Variants in IL1RAPL1 observed in about 807,000 individuals in gnomAD.
IL1RAPL1 encodes interleukin 1 receptor accessory protein like 1, also known as interleukin-1 receptor accessory protein-like 1.
In IL1RAPL1, 3 loss-of-function variants were observed where a neutral mutation model predicts 48.4. The ratio of observed to expected loss-of-function variants is 0.06; its 90% confidence interval spans 0.03 to 0.16. The LOEUF (loss-of-function observed/expected upper bound fraction) is 0.16. Among genes scored for constraint, IL1RAPL1 ranks in the 10% least tolerant of loss-of-function variants. The pLI is 1.00. For synonymous variants in IL1RAPL1, 185 were observed against 187.7 expected (o/e 0.99, Z 0.12); for missense variants, 349 against 530.6 (o/e 0.66, Z 3.36).
intron 2 of IL1RAPL1, among the ~76,000 whole-genome samples, chrX:29,139,335 AT>A (rs1340337128): frequency 5.1e-5 from 5 of 97,895 alleles, no homozygotes; most frequent in African/African-American, 2.1e-4. Flanking sequence ...AATGAGAAAA[AT>A]AATGGAAAAG....
intron 5 of IL1RAPL1, among the ~76,000 whole-genome samples, chrX:29,517,802 T>C (rs1935462401): frequency 8.9e-6 from 1 of 112,052 alleles, no homozygotes. Context: ...TAGTAATCAT[T>C]GGGCAGGTGG....
At chrX:29,548,412 G>A (rs1921698666) in intron 5 of IL1RAPL1, among the ~76,000 whole-genome samples, 1 of 111,973 alleles carries the variant, frequency 8.9e-6, no homozygotes, top group Non-Finnish European at 1.9e-5. Context: ...TTGGTTTTAA[G>A]TTTAGCTGTT....
chrX:28,927,115 C>T (rs1476092901), intron 2 of IL1RAPL1, among the ~76,000 whole-genome samples: 1 of 111,318 alleles, frequency 9.0e-6, no homozygotes, highest in Non-Finnish European at 1.9e-5. Context: ...AGGCTGGTCT[C>T]AGCTCTTGGC....
At chrX:29,193,191 T>C (rs1383158464) in intron 2 of IL1RAPL1, among the ~76,000 whole-genome samples, 1 of 110,825 alleles carries the variant, frequency 9.0e-6, no homozygotes, top group Non-Finnish European at 1.9e-5. Context: ...GATTTTCCAC[T>C]TTGAATTTTG....
At chrX:29,856,754 T>A (rs752758800) in intron 6 of IL1RAPL1, among the ~76,000 whole-genome samples, 1 of 111,966 alleles carries the variant, frequency 8.9e-6, no homozygotes, top group East Asian at 2.8e-4. Context: ...GCCTTAGATA[T>A]CTTGTAGTTT....
At chrX:29,417,477 TC>T (rs1934231925) in intron 5 of IL1RAPL1, among the ~76,000 whole-genome samples, 1 of 111,647 alleles carries the variant, frequency 9.0e-6, no homozygotes, top group African/African-American at 3.3e-5. Flanking sequence ...CATTATGAAT[TC>T]TATGTAAGAT....
In IL1RAPL1 at chrX:29,895,784, C is replaced by T; in HGVS notation, c.779-21680C>T. Among the ~76,000 whole-genome samples, 4 of 111,829 alleles carry T rather than the reference C, an allele frequency of 3.6e-5. No individual in the cohort carries two copies. The Middle Eastern group carries it at 0.014, about 390-fold the overall frequency. On this transcript the variant is annotated intron_variant, in intron 6 of 10. Transcript: ENST00000378993. ...TTGCTGACACATTGAGTGTGAGATG[C>T]TTGTGGGATATCCAAATGGAGATGT...
intron 6 of IL1RAPL1, among the ~76,000 whole-genome samples, chrX:29,677,688 G>A (rs751294388): frequency 1.7e-3 from 185 of 111,748 alleles, no homozygotes; most frequent in Non-Finnish European, 2.4e-3. Flanking sequence ...GTGACCTCCC[G>A]TTGTTTATTA....
intron 2 of IL1RAPL1, among the ~76,000 whole-genome samples, chrX:29,128,700 T>A (rs1186314229): frequency 9.0e-6 from 1 of 111,611 alleles, no homozygotes; most frequent in African/African-American, 3.3e-5. Flanking sequence ...AATTGTGTTA[T>A]TCACCATTGT....
intron 2 of IL1RAPL1, among the ~76,000 whole-genome samples, chrX:29,240,160 C>T (rs1360817434): frequency 1.1e-5 from 1 of 90,259 alleles, no homozygotes; most frequent in Admixed American, 1.3e-4. Flanking sequence ...CATTCTTCTG[C>T]CTACCACATA....
chrX:28,722,905 G>T lies in IL1RAPL1; in HGVS notation c.-24-66415G>T, dbSNP rs779269783. Among the ~76,000 whole-genome samples the T allele has an allele frequency of 4.6e-5, 5 of 109,775 alleles. No homozygotes were observed. In the South Asian group the frequency reaches 1.7e-3, roughly 38 times the overall value. Reference sequence around the variant, plus strand: ...TGTGCTGGATTACGTTTATTGATTTGCGTATGTTGAACCAGCCTTGCACCC... The same window carrying T: ...TGTGCTGGATTACGTTTATTGATTTTCGTATGTTGAACCAGCCTTGCACCC... On this transcript the variant is annotated intron_variant, in intron 1 of 10. Coordinates refer to ENST00000378993, the MANE Select transcript of IL1RAPL1 (RefSeq NM_014271.4).
intron 2 of IL1RAPL1, among the ~76,000 whole-genome samples, chrX:29,132,774 T>C (rs767075611): frequency 8.9e-5 from 10 of 112,010 alleles, no homozygotes; most frequent in Non-Finnish European, 1.9e-4. Context: ...ATTCTACCTT[T>C]ATCTTTTTTT....
chrX:29,171,830 A>G (rs1256563024), intron 2 of IL1RAPL1, among the ~76,000 whole-genome samples: 1 of 111,918 alleles, frequency 8.9e-6, no homozygotes, highest in Non-Finnish European at 1.9e-5. Context: ...GGAAAGAAAA[A>G]AAAAAGGGAC....
chrX:29,052,512 T>A (rs1927115873), intron 2 of IL1RAPL1, among the ~76,000 whole-genome samples: 2 of 111,498 alleles, frequency 1.8e-5, no homozygotes. Context: ...GAATGTATTC[T>A]TTCTGTCTAA....
chrX:29,694,818 C>T (rs866440142), intron 6 of IL1RAPL1, among the ~76,000 whole-genome samples: 2 of 111,456 alleles, frequency 1.8e-5, no homozygotes, highest in East Asian at 2.8e-4. Flanking sequence ...AAGATTTTGA[C>T]GTAATAATTT....
Position 28,737,158 on chromosome X carries a change from C to T in IL1RAPL1, c.-24-52162C>T, listed in dbSNP as rs1569161794. ...CCTTCCTTCCTTCCTTCCTTCCTTC[C>T]TTCCTTCCTTCCTTCCTTCCTTTCT... On this transcript the variant is annotated intron_variant, in intron 1 of 10. Transcript: ENST00000378993. Among the ~76,000 whole-genome samples, 221 of 29,655 alleles carry T rather than the reference C, an allele frequency of 7.5e-3. 2 individuals are homozygous for T. The highest frequency in any genetic ancestry group is 0.024 in the African/African-American group (210 of 8,591). 25.8% of individuals were successfully genotyped at this position (29,655 alleles called of 115,157 possible).
chrX:29,451,679 A>G (rs1034151411), intron 5 of IL1RAPL1, among the ~76,000 whole-genome samples: 2 of 111,486 alleles, frequency 1.8e-5, no homozygotes, highest in East Asian at 5.6e-4. Context: ...TATTCTATGT[A>G]GCTCTATATG....
intron 2 of IL1RAPL1, among the ~76,000 whole-genome samples, chrX:29,004,995 A>G (rs1404715415): frequency 8.9e-6 from 1 of 112,327 alleles, no homozygotes; most frequent in East Asian, 2.8e-4. Flanking sequence ...TGGCATTTTG[A>G]GCTTGTTTAA....
intron 5 of IL1RAPL1, among the ~76,000 whole-genome samples, chrX:29,579,377 G>T (rs1569342983): frequency 8.9e-6 from 1 of 111,801 alleles, no homozygotes. Flanking sequence ...AGATGACTGG[G>T]TATGTGTGGT....
Sources: allele counts gnomAD v4.1 joint callset (sites outside exome capture counted in the v4.1 genomes callset), GRCh38; gene constraint gnomAD v4.1.1; transcripts MANE v1.5; gene names NCBI Gene and HGNC (gene_info 2026-07-23, HGNC 2026-07-21).